The following FAR2 variants were observed in gnomAD, a reference collection of about 807,000 sequenced individuals.
FAR2 encodes the protein epididymis secretory protein Li 81.
In FAR2, 19 loss-of-function variants were observed where a neutral mutation model predicts 56.0. That is an observed-to-expected ratio of 0.34 (90% CI 0.24 to 0.50). The LOEUF (loss-of-function observed/expected upper bound fraction) is 0.50, where lower values mean the gene tolerates loss of function less well. Among genes scored for constraint, FAR2 ranks in the 20% least tolerant of loss-of-function variants. The probability of loss-of-function intolerance (pLI) is 0.98; values close to 1 mark genes in which losing one functional copy is unlikely to be tolerated. For synonymous variants in FAR2, 219 were observed against 218.8 expected (o/e 1.00, Z -0.01); for missense variants, 508 against 642.2 (o/e 0.79, Z 2.26).
intron 1 of FAR2, among the ~76,000 whole-genome samples, chr12:29,221,655 C>G (rs1161991350): frequency 6.6e-6 from 1 of 152,124 alleles, no homozygotes; most frequent in African/African-American, 2.4e-5. Context: ...TATCTCAAAG[C>G]CAGTTTTCTC....
At chr12:29,158,422 A>T (rs1223751954) in intron 1 of FAR2, among the ~76,000 whole-genome samples, 1 of 152,232 alleles carries the variant, frequency 6.6e-6, no homozygotes, top group Admixed American at 6.5e-5. Flanking sequence ...TCAAAGAATT[A>T]ATTTCCTTCA....
chr12:29,194,644 C>G (rs1950130775), intron 1 of FAR2, among the ~76,000 whole-genome samples: 1 of 151,688 alleles, frequency 6.6e-6, no homozygotes, highest in African/African-American at 2.4e-5. Flanking sequence ...TTGAAAATGT[C>G]TTGAGAGAGC....
At chr12:29,278,687 C>T (rs1281907532) in intron 2 of FAR2, among the ~76,000 whole-genome samples, 3 of 152,050 alleles carry the variant, frequency 2.0e-5, no homozygotes, top group African/African-American at 7.2e-5. Context: ...ACTTTTTATT[C>T]TAAGGTTGAA....
chr12:29,244,916 T>C (rs1948101103), intron 1 of FAR2, among the ~76,000 whole-genome samples: 1 of 152,042 alleles, frequency 6.6e-6, no homozygotes, highest in African/African-American at 2.4e-5. Context: ...CTTCCAGTGT[T>C]TCTACCACCC....
intron 1 of FAR2, among the ~76,000 whole-genome samples, chr12:29,208,899 G>A (rs1947508342): frequency 6.6e-6 from 1 of 152,096 alleles, no homozygotes; most frequent in Non-Finnish European, 1.5e-5. Context: ...ATGTTCCAAT[G>A]GCAAAATGCA....
At chr12:29,219,526 A>G (rs1016610813) in intron 1 of FAR2, among the ~76,000 whole-genome samples, 1 of 152,214 alleles carries the variant, frequency 6.6e-6, no homozygotes. Flanking sequence ...TCACTGCTGT[A>G]CATCAGCACC....
At position 29,311,261 on chromosome 12, in the gene FAR2, C is replaced by T. The variant is rs919639456; in HGVS notation, c.887+115C>T. 5.6e-5 allele frequency: 39 copies of T among 690,920 alleles called. No individual in the cohort carries two copies. The African/African-American group carries it at 5.7e-4, about 10-fold the overall frequency. The allele number at this position is 690,920 out of a possible 1,614,324, so 42.8% of individuals were successfully genotyped here. On this transcript the variant is annotated intron_variant, in intron 7 of 11. Coordinates refer to ENST00000536681, the MANE Select transcript of FAR2 (RefSeq NM_001271783.2). ...ACAAGACCCCAAATGTGTGAAAGTG[C>T]GTATTTCAATATTTTATAGAGTTCC...
At chr12:29,209,773 T>C (rs1947522197) in intron 1 of FAR2, among the ~76,000 whole-genome samples, 1 of 151,828 alleles carries the variant, frequency 6.6e-6, no homozygotes. Flanking sequence ...AATAGTGAAC[T>C]AAAAAGCAGA....
Position 29,280,088 on chromosome 12 carries a change from C to G in FAR2, c.189+9450C>G, listed in dbSNP as rs1948764061. On this transcript the variant is annotated intron_variant, in intron 2 of 11. Coordinates refer to ENST00000536681, the MANE Select transcript of FAR2 (RefSeq NM_001271783.2). ...TACAGGCACCCGCCACCATGCCTAG[C>G]TAATTTTTGTATTTCTGATAGAGAT... is the stretch of plus-strand genomic sequence containing the variant. Among the ~76,000 whole-genome samples the G allele has an allele frequency of 2.6e-5, 4 of 152,244 alleles. No individual in the cohort carries two copies. The East Asian group carries it at 7.7e-4, about 29-fold the overall frequency.
At chr12:29,217,296 C>T (rs78906594) in intron 1 of FAR2, among the ~76,000 whole-genome samples, 2 of 152,258 alleles carry the variant, frequency 1.3e-5, no homozygotes, top group East Asian at 1.9e-4. Flanking sequence ...TGGCTTGAGA[C>T]CTTTCTGAAG....
At chr12:29,293,839 T>A (rs1360693150) in intron 3 of FAR2, among the ~76,000 whole-genome samples, 1 of 152,166 alleles carries the variant, frequency 6.6e-6, no homozygotes. Context: ...CATATATATA[T>A]AATATATTAA....
At chr12:29,154,202 C>T (rs1013571160) in intron 1 of FAR2, among the ~76,000 whole-genome samples, 5 of 152,044 alleles carry the variant, frequency 3.3e-5, no homozygotes, top group African/African-American at 7.3e-5. Flanking sequence ...TGATCCTCTC[C>T]GAAATAATTA....
intron 10 of FAR2, 70 bp downstream of exon 10, chr12:29,321,994 A>G: frequency 6.6e-7 from 1 of 1,516,844 alleles, no homozygotes; most frequent in Non-Finnish European, 8.9e-7. Context: ...TTTGATTTGG[A>G]AAGCTGATGA....
chr12:29,328,868 C>T (rs376790085), intron 10 of FAR2, among the ~76,000 whole-genome samples: 32 of 151,070 alleles, frequency 2.1e-4, no homozygotes, highest in Non-Finnish European at 4.0e-4. Context: ...GTTATGCACA[C>T]GTATCCTAAA....
At chr12:29,270,063 T>G (rs6487797) in intron 1 of FAR2, among the ~76,000 whole-genome samples, 85,335 of 152,118 alleles carry the variant, frequency 0.56, 24,494 homozygotes, top group African/African-American at 0.67. Context: ...TCCAGATGCT[T>G]CTATGTACCC....
At chr12:29,322,769 A>AG (rs1360207931) in intron 10 of FAR2, among the ~76,000 whole-genome samples, 1 of 152,230 alleles carries the variant, frequency 6.6e-6, no homozygotes, top group Non-Finnish European at 1.5e-5. Context: ...GACAGCATGT[A>AG]GAAGAAACCA....
At chr12:29,327,148 T>C (rs1231274046) in intron 10 of FAR2, among the ~76,000 whole-genome samples, 1 of 152,090 alleles carries the variant, frequency 6.6e-6, no homozygotes, top group African/African-American at 2.4e-5. Context: ...AAACACCCAT[T>C]CATAATTGCT....
intron 1 of FAR2, among the ~76,000 whole-genome samples, chr12:29,234,155 G>T (rs1373383005): frequency 6.6e-6 from 1 of 151,948 alleles, no homozygotes; most frequent in Non-Finnish European, 1.5e-5. Context: ...TAGTCCCATG[G>T]TTAGAGTTAC....
Position 29,293,425 on chromosome 12 carries a change from A to G in FAR2, c.315A>G (p.Thr105=), listed in dbSNP as rs371877648. ...ACATGCAGGAGCTTCTCTCCTGTAC[A>G]AACATAATATTTCACTGTGCAGCCA... is the stretch of plus-strand genomic sequence containing the variant. ...KEDMQELLSC[T]NIIFHCAATV... Residue 105 remains threonine, a synonymous_variant, in exon 3 of 12, where the codon ACA becomes ACG. Transcript: ENST00000536681. 10 of 1,607,808 alleles carry G rather than the reference A, an allele frequency of 6.2e-6. No homozygotes were observed. The highest frequency in any genetic ancestry group is 8.5e-6 in the Non-Finnish European group (10 of 1,177,906).
Sources: gnomAD v4.1 joint callset for allele counts (sites outside exome capture counted in the v4.1 genomes callset) on GRCh38, gnomAD v4.1.1 for gene constraint, MANE v1.5 for transcripts, NCBI Gene and HGNC (gene_info 2026-07-23, HGNC 2026-07-21) for gene names.